The following NOX5 variants were observed in gnomAD, a reference collection of about 807,000 sequenced individuals.
NOX5 encodes NADPH oxidase, EF-hand calcium binding domain 5.
Under a neutral mutation model 85.7 loss-of-function variants are expected in NOX5, and 76 were observed. That is an observed-to-expected ratio of 0.89 (90% CI 0.74 to 1.07). NOX5 has a LOEUF of 1.07. Ranked by LOEUF, NOX5 falls within the 50% of genes least tolerant of loss-of-function variation. The probability of loss-of-function intolerance (pLI) is 0.00; values close to 1 mark genes in which losing one functional copy is unlikely to be tolerated. For missense variants in NOX5, 973 were observed against 999.5 expected (o/e 0.97, Z 0.36); for synonymous variants, 405 against 401.4 (o/e 1.01, Z -0.11).
chr15:69,049,161 A>G, intron 14 of NOX5, 103 bp downstream of exon 14: 1 of 616,498 alleles, frequency 1.6e-6, no homozygotes, highest in Non-Finnish European at 2.7e-6. Flanking sequence ...ACCTAAAATG[A>G]ACCATTTAAC....
rs755141756 is a variant in NOX5 at position 69,055,205 on chromosome 15, C to G, written c.2000-129C>G. On this transcript the variant is annotated intron_variant, in intron 14 of 15. Transcript: ENST00000388866. ...TTTCCTCTCCATGGCACTGGTTACA[C>G]AACAGATCCTGGGCAAAAGACCTAT... The G allele has an allele frequency of 4.0e-6, 4 of 991,968 alleles. No individual in the cohort carries two copies. The South Asian group carries it at 5.2e-5, about 13-fold the overall frequency. 61.4% of individuals were successfully genotyped at this position (991,968 alleles called of 1,614,324 possible). A position where few individuals can be genotyped will look rare whatever the true frequency, so the allele number is the denominator to read the frequency against.
At chr15:69,020,707 T>C (rs777726953) in intron 1 of NOX5, among the ~76,000 whole-genome samples, 37 of 151,916 alleles carry the variant, frequency 2.4e-4, no homozygotes. Context: ...CTGTTTCCCT[T>C]GAGCCCAGAA....
intron 9 of NOX5, among the ~76,000 whole-genome samples, chr15:69,041,844 A>G (rs1420141874): frequency 2.6e-5 from 4 of 152,092 alleles, no homozygotes; most frequent in Non-Finnish European, 1.5e-5. Context: ...CTTTCTTAAA[A>G]CATGATGAGA....
chr15:69,055,384 G>T lies in NOX5; in HGVS notation c.2050G>T (p.Asp684Tyr). Reference sequence around the variant, plus strand: ...CATGACATCTGCACTGGGCAAGAATGACATGAAGGCCATTGGCCTGCAGAT... The same window carrying T: ...CATGACATCTGCACTGGGCAAGAATTACATGAAGGCCATTGGCCTGCAGAT... ...MYMTSALGKN[D>Y]MKAIGLQMAL... The change falls in exon 15 of 16, where the codon GAC becomes TAC. Residue 684 changes from aspartate (D) to tyrosine (Y), a missense_variant. Asp to Tyr is a radical substitution (Grantham distance 160, BLOSUM62 -3). Coordinates refer to ENST00000388866, the MANE Select transcript of NOX5 (RefSeq NM_024505.4). 1.2e-6 allele frequency: 2 copies of T among 1,614,204 alleles called. No homozygotes were observed. Among genetic ancestry groups the T allele is most frequent in the Non-Finnish European group, 1.7e-6 (2 of 1,180,046 alleles).
At chr15:69,047,572 G>A (rs763645762) in intron 12 of NOX5, 35 bp downstream of exon 12, 1 of 1,599,222 alleles carries the variant, frequency 6.3e-7, no homozygotes, top group South Asian at 1.1e-5. Context: ...TGCATCCTGG[G>A]TCAGAGCCCC....
At chr15:69,023,274 C>T (rs1012939001) in intron 1 of NOX5, 19 of 246,740 alleles carry the variant, frequency 7.7e-5, no homozygotes, top group Non-Finnish European at 1.6e-5. Flanking sequence ...ATTAGATCAA[C>T]TCTCAGAGGG....
chr15:69,048,102 CT>C (rs2050699123), intron 13 of NOX5, among the ~76,000 whole-genome samples, 191 bp downstream of exon 13: 1 of 152,258 alleles, frequency 6.6e-6, no homozygotes, highest in African/African-American at 2.4e-5. Flanking sequence ...AGCTCCGCCC[CT>C]GCTTCAACAT....
intron 8 of NOX5, chr15:69,037,502 C>A (rs2050537945): frequency 1.8e-5 from 7 of 385,044 alleles, no homozygotes; most frequent in Non-Finnish European, 3.3e-5. Flanking sequence ...GGGTGCCAGG[C>A]CCTGAACTAG....
intron 1 of NOX5, 144 bp from the exon 2 acceptor site, chr15:69,026,384 C>T (rs544863709): frequency 4.3e-6 from 4 of 936,632 alleles, no homozygotes; most frequent in Non-Finnish European, 6.3e-6. Flanking sequence ...AAGCTCCAAT[C>T]CACAGCCAGA....
chr15:69,032,904 C>A, intron 4 of NOX5, 139 bp from the exon 5 acceptor site: 1 of 1,199,126 alleles, frequency 8.3e-7, no homozygotes, highest in African/African-American at 1.6e-5. Context: ...GCCACTTGAC[C>A]TCTCTGTTTC....
In NOX5 at chr15:69,049,028, G is replaced by T. The variant is rs1400550002; in HGVS notation, c.1969G>T (p.Glu657Ter). The change falls in exon 14 of 16, where the codon GAG becomes TAG. Residue 657 changes from glutamate (E) to a stop codon, truncating the protein, a stop_gained. Transcript: ENST00000388866. LOFTEE classifies it high-confidence loss of function. ...EWFVSLLTKL[E>*]MDQAEEAQYG... is the part of the protein sequence containing the mutation. ...GTTTGTGAGCCTGCTGACTAAACTG[G>T]AGATGGACCAGGCCGAGGAGGCTCA... is the stretch of plus-strand genomic sequence containing the variant. 2.5e-6 allele frequency: 4 copies of T among 1,612,724 alleles called. No individual in the cohort carries two copies.
intron 13 of NOX5, among the ~76,000 whole-genome samples, chr15:69,048,568 AATAAT>A (rs1175852196): frequency 6.6e-6 from 1 of 151,776 alleles, no homozygotes; most frequent in Non-Finnish European, 1.5e-5. Context: ...TAATAATTAA[AATAAT>A]ATAATCAAAT....
intron 2 of NOX5, among the ~76,000 whole-genome samples, chr15:69,026,987 C>A (rs1013526979): frequency 6.6e-6 from 1 of 152,198 alleles, no homozygotes; most frequent in African/African-American, 2.4e-5. Flanking sequence ...TATTAAAGTC[C>A]TGTCTGCTGT....
intron 4 of NOX5, 109 bp from the exon 5 acceptor site, chr15:69,032,934 C>T: frequency 7.0e-7 from 1 of 1,429,496 alleles, no homozygotes; most frequent in Non-Finnish European, 9.2e-7. Flanking sequence ...AGAAAGCCGG[C>T]CTGCTTGCCA....
At chr15:69,044,217 C>A (rs2050633718) in intron 10 of NOX5, among the ~76,000 whole-genome samples, 1 of 151,594 alleles carries the variant, frequency 6.6e-6, no homozygotes, top group South Asian at 2.1e-4. Context: ...CAGGTGCACA[C>A]AAAACATAGT....
At chr15:69,044,735 G>A (rs943542264) in intron 10 of NOX5, among the ~76,000 whole-genome samples, 1 of 152,206 alleles carries the variant, frequency 6.6e-6, no homozygotes, top group African/African-American at 2.4e-5. Flanking sequence ...TAGAGAAAAT[G>A]TTGAGTAGTT....
At chr15:69,022,939 T>C (rs2050312617) in intron 1 of NOX5, 1 of 505,940 alleles carries the variant, frequency 2.0e-6, no homozygotes, top group East Asian at 5.9e-5. Flanking sequence ...AATCATCTTC[T>C]TCCCATTCAC....
At chr15:69,044,267 C>T (rs2050634384) in intron 10 of NOX5, among the ~76,000 whole-genome samples, 1 of 152,044 alleles carries the variant, frequency 6.6e-6, no homozygotes, top group Admixed American at 6.5e-5. Context: ...TGAAGCACAG[C>T]ATCTGCTATT....
At chr15:69,026,460 GA>G in intron 1 of NOX5, 67 bp from the exon 2 acceptor site, 8 of 1,604,830 alleles carry the variant, frequency 5.0e-6, no homozygotes, top group Non-Finnish European at 6.8e-6. Flanking sequence ...GAGGCCCTGG[GA>G]CCACCATGAG....
Sources: allele counts gnomAD v4.1 joint callset (sites outside exome capture counted in the v4.1 genomes callset), GRCh38; gene constraint gnomAD v4.1.1; transcripts MANE v1.5; gene names NCBI Gene and HGNC (gene_info 2026-07-23, HGNC 2026-07-21).